CHRM2: variants seen among roughly 807,000 people sequenced by gnomAD.
CHRM2 encodes the protein cholinergic receptor muscarinic 2.
In CHRM2, 8 loss-of-function variants were observed where a neutral mutation model predicts 25.0. That is an observed-to-expected ratio of 0.32 (90% CI 0.19 to 0.58). The LOEUF (loss-of-function observed/expected upper bound fraction) is 0.58. Ranked by LOEUF, CHRM2 falls within the 20% of genes least tolerant of loss-of-function variation. The pLI, the probability that CHRM2 is intolerant of heterozygous loss-of-function variation, is 0.88. For missense variants in CHRM2, 440 were observed against 567.1 expected (o/e 0.78, Z 2.28); for synonymous variants, 202 against 205.7 (o/e 0.98, Z 0.15).
chr7:136,959,420 A>G (rs1314349572), intron 2 of CHRM2, among the ~76,000 whole-genome samples: 2 of 152,186 alleles, frequency 1.3e-5, no homozygotes, highest in Non-Finnish European at 2.9e-5. Context: ...TGGTTCCGGT[A>G]TTGTAGATCC....
intron 3 of CHRM2, among the ~76,000 whole-genome samples, chr7:136,997,264 T>A (rs112053140): frequency 1.5e-4 from 23 of 152,180 alleles, no homozygotes; most frequent in Non-Finnish European, 2.8e-4. Context: ...TCAAAAGCAG[T>A]AAAAGTTCAC....
At chr7:136,964,155 A>G (rs1801268179) in intron 2 of CHRM2, among the ~76,000 whole-genome samples, 2 of 152,188 alleles carry the variant, frequency 1.3e-5, no homozygotes, top group African/African-American at 2.4e-5. Flanking sequence ...TTCTGACAGT[A>G]GAAAATTTTC....
At chr7:136,950,733 C>T (rs182233515) in intron 2 of CHRM2, among the ~76,000 whole-genome samples, 134 of 152,256 alleles carry the variant, frequency 8.8e-4, no homozygotes, top group African/African-American at 3.2e-3. Flanking sequence ...AGATTCTGAA[C>T]CAGGACTGAA....
intron 3 of CHRM2, among the ~76,000 whole-genome samples, chr7:137,008,484 A>G (rs1467293011): frequency 6.6e-6 from 1 of 152,034 alleles, no homozygotes; most frequent in East Asian, 1.9e-4. Context: ...TCACTATTCT[A>G]TCAGTTTTGG....
intron 2 of CHRM2, among the ~76,000 whole-genome samples, chr7:136,959,554 C>G (rs1466619801): frequency 1.3e-5 from 2 of 152,158 alleles, no homozygotes; most frequent in Non-Finnish European, 2.9e-5. Flanking sequence ...AGAAACCAAA[C>G]TCTACATTTT....
intron 2 of CHRM2, among the ~76,000 whole-genome samples, chr7:136,969,800 C>A (rs1801645348): frequency 6.6e-6 from 1 of 152,122 alleles, no homozygotes; most frequent in Admixed American, 6.6e-5. Flanking sequence ...GTTTCAAAAC[C>A]AATATTTCCC....
chr7:136,879,512 A>G (rs1019367542), intron 2 of CHRM2, among the ~76,000 whole-genome samples: 1 of 151,962 alleles, frequency 6.6e-6, no homozygotes, highest in Non-Finnish European at 1.5e-5. Context: ...TCTATTGGGA[A>G]ATGATAATAC....
At chr7:137,003,459 T>A (rs1804187810) in intron 3 of CHRM2, among the ~76,000 whole-genome samples, 1 of 145,216 alleles carries the variant, frequency 6.9e-6, no homozygotes, top group Non-Finnish European at 1.5e-5. Context: ...GATGTATGCA[T>A]ATGCATGCAT....
At chr7:136,976,337 A>C (rs543665825) in intron 2 of CHRM2, among the ~76,000 whole-genome samples, 3 of 152,168 alleles carry the variant, frequency 2.0e-5, no homozygotes, top group Non-Finnish European at 2.9e-5. Flanking sequence ...GTGATAAAAT[A>C]TTAACATTAT....
At chr7:137,000,194 CTTTTTT>C (rs57283576) in intron 3 of CHRM2, among the ~76,000 whole-genome samples, 3 of 73,314 alleles carry the variant, frequency 4.1e-5, no homozygotes, top group African/African-American at 1.1e-4. Flanking sequence ...CTTTTTCTTT[CTTTTTT>C]TTTTTTTTTT....
At chr7:136,894,160 T>C (rs1044142445) in intron 2 of CHRM2, among the ~76,000 whole-genome samples, 1 of 152,108 alleles carries the variant, frequency 6.6e-6, no homozygotes, top group African/African-American at 2.4e-5. Flanking sequence ...TAAAGTACTT[T>C]AGAATGATAA....
intron 3 of CHRM2, among the ~76,000 whole-genome samples, chr7:136,999,486 T>C (rs912610853): frequency 2.0e-5 from 3 of 152,102 alleles, no homozygotes; most frequent in Non-Finnish European, 4.4e-5. Context: ...CATGTTGGTG[T>C]GCTGCACCCA....
intron 3 of CHRM2, among the ~76,000 whole-genome samples, chr7:136,999,008 C>T (rs979764645): frequency 6.6e-6 from 1 of 152,134 alleles, no homozygotes; most frequent in African/African-American, 2.4e-5. Flanking sequence ...AAAACCCTCA[C>T]TTAGATACAT....
At chr7:136,883,901 G>T (rs191425149) in intron 2 of CHRM2, among the ~76,000 whole-genome samples, 2 of 151,930 alleles carry the variant, frequency 1.3e-5, no homozygotes, top group Admixed American at 1.3e-4. Context: ...AATCAGTCCT[G>T]GTTCAATGAG....
intron 2 of CHRM2, among the ~76,000 whole-genome samples, chr7:136,961,212 T>C (rs1202846048): frequency 6.6e-5 from 10 of 152,186 alleles, no homozygotes; most frequent in Non-Finnish European, 1.5e-4. Flanking sequence ...CTACTATCAG[T>C]ACAGTATTCA....
chr7:136,892,641 A>G (rs1584706498), intron 2 of CHRM2, among the ~76,000 whole-genome samples: 1 of 151,950 alleles, frequency 6.6e-6, no homozygotes, highest in Admixed American at 6.6e-5. Context: ...CCAAGGAAGA[A>G]AAAATGATAA....
chr7:137,006,391 G>T (rs2131089705), intron 3 of CHRM2, among the ~76,000 whole-genome samples: 1 of 152,218 alleles, frequency 6.6e-6, no homozygotes, highest in African/African-American at 2.4e-5. Context: ...TTTTGGGTAA[G>T]TGGTGTTTAG....
intron 2 of CHRM2, among the ~76,000 whole-genome samples, chr7:136,905,427 G>T (rs1448643605): frequency 2.7e-5 from 4 of 150,864 alleles, no homozygotes; most frequent in Non-Finnish European, 5.9e-5. Flanking sequence ...TGCATTTTTT[G>T]CACCTATCAT....
chr7:137,003,922 C>T (rs189292521), intron 3 of CHRM2, among the ~76,000 whole-genome samples: 78 of 152,124 alleles, frequency 5.1e-4, no homozygotes, highest in African/African-American at 1.6e-3. Flanking sequence ...CCCTTTTGCT[C>T]GGCACTTCTC....
Sources: allele counts gnomAD v4.1 joint callset (sites outside exome capture counted in the v4.1 genomes callset), GRCh38; gene constraint gnomAD v4.1.1; transcripts MANE v1.5; gene names NCBI Gene and HGNC (gene_info 2026-07-23, HGNC 2026-07-21).